Variants in LAMA5 observed in about 807,000 individuals in gnomAD.
LAMA5 encodes laminin subunit alpha-5.
LAMA5 carries 260 observed loss-of-function variants against 433.4 expected under a neutral mutation model. The ratio of observed to expected loss-of-function variants is 0.60; its 90% CI spans 0.54 to 0.66. The LOEUF is 0.66. Ranked by LOEUF, LAMA5 falls within the 30% of genes least tolerant of loss-of-function variation. The probability of loss-of-function intolerance (pLI) is 0.00; values close to 1 mark genes in which losing one functional copy is unlikely to be tolerated. For missense variants in LAMA5, 5,378 were observed against 5,258.5 expected, an observed-to-expected ratio of 1.02 and a Z score of -0.70; for synonymous variants, 2,620 against 2,226.6, an observed-to-expected ratio of 1.18 and a Z score of -4.97.
chr20:62,323,455 C>A lies in LAMA5; in HGVS notation c.6064+1G>T. On this transcript the variant is annotated splice_donor_variant, in intron 45 of 79. Transcript: ENST00000252999. LOFTEE classifies it high-confidence loss of function. The stretch of plus-strand genomic sequence containing the variant: ...TGCATCCCTCCCAGCCCGACGCCTA[C>A]GGGTGCAGTTGCCGGGCAGCAGGGC... The A allele has an allele frequency of 6.5e-7, 1 of 1,537,618 alleles. No individual in the cohort carries two copies. The highest frequency in any genetic ancestry group is 8.7e-7 in the Non-Finnish European group (1 of 1,143,252).
intron 1 of LAMA5, among the ~76,000 whole-genome samples, chr20:62,366,685 G>A (rs1292025727): frequency 2.0e-5 from 3 of 152,140 alleles, no homozygotes; most frequent in African/African-American, 7.2e-5. Flanking sequence ...CTCCCGCCCC[G>A]GTCACCGCAG....
In LAMA5 at chr20:62,313,005, CT is replaced by C; in HGVS notation, c.8960del (p.Gln2987ArgfsTer22). The part of the protein sequence containing the change: ...GVLFFLKQQS[Q>X]FLCLAVQEGS... Reference sequence around the variant, plus strand: ...CTTCTTGCACGGCCAAGCACAGGAACTGGCTCTGCAGAAACAGGGCAGGGTT... The same window carrying C: ...CTTCTTGCACGGCCAAGCACAGGAACGGCTCTGCAGAAACAGGGCAGGGTT... On this transcript the variant is annotated frameshift_variant, in exon 66 of 80. Coordinates refer to ENST00000252999, the MANE Select transcript of LAMA5 (RefSeq NM_005560.6). LOFTEE classifies it high-confidence loss of function. 6.3e-7 allele frequency: 1 copy of C among 1,582,680 alleles called. No individual in the cohort carries two copies. The highest frequency in any genetic ancestry group is 8.6e-7 in the Non-Finnish European group (1 of 1,162,232).
rs1034749099 is a variant in LAMA5, at chr20:62,329,219, C to G, written c.4154G>C (p.Ser1385Thr). 2 of 1,612,810 alleles carry G rather than the reference C, an allele frequency of 1.2e-6. No individual in the cohort carries two copies. Among genetic ancestry groups the G allele is most frequent in the Non-Finnish European group, 1.7e-6 (2 of 1,179,868 alleles). The change falls in exon 33 of 80, where the codon AGC becomes ACC. Residue 1385 changes from serine to threonine, a missense_variant. Transcript: ENST00000252999. ...GGGCTCCTCCCGGAGGTAGCCAAAGCTGTAGACGTTCTCAGGGACCACGAG... is the reference window on the plus strand; with the variant it reads ...GGGCTCCTCCCGGAGGTAGCCAAAGGTGTAGACGTTCTCAGGGACCACGAG... ...YVLVVPENVYSFGYLREEPLD... is the reference protein window; with the variant it reads ...YVLVVPENVYTFGYLREEPLD...
chr20:62,312,674 G>A lies in LAMA5; in HGVS notation c.9185C>T (p.Ala3062Val). ...EQDNDLELAD[A>V]YYLGGVPPDQ... ...GGGCGGCACGCCCCCCAGGTAGTAG[G>A]CGTCGGCCAGCTCCAGATCATTGTC... is the stretch of plus-strand genomic sequence containing the variant. The change falls in exon 67 of 80, where the codon GCC (alanine) becomes GTC (valine). Residue 3062 changes from alanine to valine, a missense_variant. Transcript: ENST00000252999. 1 of 1,607,536 alleles carries A rather than the reference G, an allele frequency of 6.2e-7. No individual in the cohort carries two copies. The highest frequency in any genetic ancestry group is 8.5e-7 in the Non-Finnish European group (1 of 1,177,912).
intron 48 of LAMA5, among the ~76,000 whole-genome samples, chr20:62,321,249 G>A (rs1362979671): frequency 8.7e-6 from 1 of 114,772 alleles, no homozygotes; most frequent in Non-Finnish European, 1.8e-5. Context: ...GTGGAGGGGT[G>A]GGGCCAGTGG....
Position 62,330,745 on chromosome 20 carries a change from G to A in LAMA5, c.3850C>T (p.Gln1284Ter), listed in dbSNP as rs1344955080. 2 of 1,559,584 alleles carry A rather than the reference G, an allele frequency of 1.3e-6. No homozygotes were observed. Among genetic ancestry groups the A allele is most frequent in the Non-Finnish European group, 1.7e-6 (2 of 1,152,478 alleles). ...DAEPTLLREP[Q>*]ATVVFTTHVP... ...CCTCTAGAGACTATGGCCCTCACCT[G>A]GGGCTCACGCAGCAGGGTGGGCTCT... The change falls in exon 30 of 80, where the codon CAG becomes TAG. Residue 1284 changes from glutamine to a stop codon, truncating the protein, a stop_gained and splice_region_variant. Transcript: ENST00000252999. LOFTEE classifies it high-confidence loss of function.
At position 62,336,464 on chromosome 20, in the gene LAMA5, G is replaced by A. The variant is rs756747424; in HGVS notation, c.2218-19C>T. The stretch of plus-strand genomic sequence containing the variant: ...CCTGTGCCTGGGAGAGGACAAGACT[G>A]CAGGTCAGAGCGGGCGCCCTGCTCT... On this transcript the variant is annotated intron_variant, in intron 17 of 79. Coordinates refer to ENST00000252999, the MANE Select transcript of LAMA5 (RefSeq NM_005560.6). The A allele has an allele frequency of 3.8e-6, 6 of 1,594,406 alleles. No individual in the cohort carries two copies. In the South Asian group the frequency reaches 4.4e-5, roughly 12 times the overall value.
chr20:62,315,311 C>T (rs1986823079), intron 58 of LAMA5, 104 bp from the exon 59 acceptor site: 5 of 1,014,300 alleles, frequency 4.9e-6, no homozygotes, highest in Middle Eastern at 5.3e-4. Context: ...ATCCAACCCC[C>T]TATGGATCGT....
chr20:62,320,593 C>A lies in LAMA5; in HGVS notation c.6725G>T (p.Ser2242Ile). The A allele has an allele frequency of 6.2e-7, 1 of 1,605,596 alleles. No individual in the cohort carries two copies. The highest frequency in any genetic ancestry group is 1.1e-5 in the South Asian group (1 of 90,604). The change falls in exon 50 of 80, where the codon AGC (serine) becomes ATC (isoleucine). Residue 2242 changes from serine (S) to isoleucine (I), a missense_variant. Physicochemically the swap from Ser to Ile is moderately radical, Grantham distance 142. Coordinates refer to ENST00000252999, the MANE Select transcript of LAMA5 (RefSeq NM_005560.6). ...QLEVLEQQST[S>I]LGQDARRLGG... ...TAGCCGCCGTGCGTCCTGCCCGAGG[C>A]TTGTGCTCTGCTGCTCCAGCACCTC...
In LAMA5 at chr20:62,320,573, G is replaced by A. The variant is rs200976496; in HGVS notation, c.6745C>T (p.Arg2249Trp). ...QSTSLGQDAR[R>W]LGGQAVGTRD... ...GGGGCTCCTGCCTGGCCGCCTAGCC[G>A]CCGTGCGTCCTGCCCGAGGCTTGTG... Residue 2249 changes from arginine to tryptophan, a missense_variant, in exon 50 of 80, where the codon CGG becomes TGG. Physicochemically the swap from Arg to Trp is moderately radical, Grantham distance 101. Coordinates refer to ENST00000252999, the MANE Select transcript of LAMA5 (RefSeq NM_005560.6). 211 of 1,598,014 alleles carry A rather than the reference G, an allele frequency of 1.3e-4. 2 individuals are homozygous for A. Among genetic ancestry groups the A allele is most frequent in the Admixed American group, 1.1e-3 (63 of 58,912 alleles).
At chr20:62,351,186 G>C (rs1256335648) in intron 6 of LAMA5, 24 of 176,696 alleles carry the variant, frequency 1.4e-4, no homozygotes, top group Admixed American at 1.3e-3. Flanking sequence ...CTTGGTCCCT[G>C]CTTGACTGGA....
chr20:62,343,779 A>AAAAAAAAAAAAAAG, intron 11 of LAMA5, among the ~76,000 whole-genome samples: 1 of 147,766 alleles, frequency 6.8e-6, no homozygotes, highest in African/African-American at 2.6e-5. Flanking sequence ...TCCATCAAAA[A>AAAAAAAAAAAAAAG]AAAAAAAAAG....
At chr20:62,352,934 A>T (rs940905492) in intron 3 of LAMA5, 200 bp downstream of exon 3, 18 of 523,596 alleles carry the variant, frequency 3.4e-5, no homozygotes, top group Admixed American at 7.2e-5. Flanking sequence ...CAGCCCCTGG[A>T]CTTGGCTGTG....
Position 62,338,538 on chromosome 20 carries a change from C to A in LAMA5, c.1548G>T (p.Leu516=). Residue 516 remains leucine (L), a synonymous_variant, in exon 12 of 80, where the codon CTG becomes CTT. Coordinates refer to ENST00000252999, the MANE Select transcript of LAMA5 (RefSeq NM_005560.6). The part of the protein sequence containing the change: ...CRKDPRVGRC[L]CKPNFQGTHC... ...GGGTGCCTTGGAAGTTGGGTTTGCA[C>A]AGACAGCGTCCCACCCTTGGGTCCT... is the stretch of plus-strand genomic sequence containing the variant. The A allele has an allele frequency of 1.2e-6, 2 of 1,610,726 alleles. No individual in the cohort carries two copies. Among genetic ancestry groups the A allele is most frequent in the Non-Finnish European group, 1.7e-6 (2 of 1,179,228 alleles).
At chr20:62,333,322 AGT>A (rs1980854840) in intron 25 of LAMA5, 51 bp downstream of exon 25, 2 of 1,600,270 alleles carry the variant, frequency 1.2e-6, no homozygotes, top group African/African-American at 2.7e-5. Flanking sequence ...AGCCAGGCAC[AGT>A]GGGGGTCCAG....
In LAMA5 at chr20:62,335,283, G is replaced by T. The variant is rs1248399298; in HGVS notation, c.2324-14C>A. On this transcript the variant is annotated splice_polypyrimidine_tract_variant and intron_variant, in intron 18 of 79. Transcript: ENST00000252999. ...CGCAGCTGCAGCCTGGGGAGAGCAG[G>T]GCAGGACTCAGATGCTTGGTGGGGC... is the stretch of plus-strand genomic sequence containing the variant. 2.5e-6 allele frequency: 4 copies of T among 1,611,558 alleles called. No individual in the cohort carries two copies. The African/African-American group carries it at 5.4e-5, about 22-fold the overall frequency.
intron 11 of LAMA5, among the ~76,000 whole-genome samples, chr20:62,339,176 G>C (rs934059553): frequency 1.3e-5 from 2 of 149,644 alleles, no homozygotes; most frequent in Admixed American, 1.3e-4. Context: ...TTAACACAAA[G>C]AGAAAATACA....
At chr20:62,336,592 AC>A in intron 17 of LAMA5, 141 bp downstream of exon 17, 1 of 1,176,724 alleles carries the variant, frequency 8.5e-7, no homozygotes, top group Non-Finnish European at 1.2e-6. Context: ...GGGGCAGAGG[AC>A]CAGCCTAAGG....
Position 62,327,526 on chromosome 20 carries a change from C to T in LAMA5, c.4938+3G>A. The T allele has an allele frequency of 6.2e-7, 1 of 1,612,912 alleles. No individual in the cohort carries two copies. Among genetic ancestry groups the T allele is most frequent in the Non-Finnish European group, 8.5e-7 (1 of 1,179,978 alleles). On this transcript the variant is annotated splice_donor_region_variant and intron_variant, in intron 37 of 79. Coordinates refer to ENST00000252999, the MANE Select transcript of LAMA5 (RefSeq NM_005560.6). ...GGCAATGCCCTCAGTCCTGCAGGCGCACCTCCTGGCGGGTGTAGGACGAGC... is the reference window on the plus strand; with the variant it reads ...GGCAATGCCCTCAGTCCTGCAGGCGTACCTCCTGGCGGGTGTAGGACGAGC...
Sources: gnomAD v4.1 joint callset for allele counts (sites outside exome capture counted in the v4.1 genomes callset) on GRCh38, gnomAD v4.1.1 for gene constraint, MANE v1.5 for transcripts, NCBI Gene and HGNC (gene_info 2026-07-23, HGNC 2026-07-21) for gene names.